The following TRPC4 variants were observed in gnomAD, a reference collection of about 807,000 sequenced individuals.
The protein encoded by TRPC4 is short transient receptor potential channel 4.
TRPC4 carries 49 observed loss-of-function variants against 99.4 expected under a neutral mutation model. The ratio of observed to expected loss-of-function variants is 0.49; its 90% CI spans 0.39 to 0.63. TRPC4 has a LOEUF of 0.63. Ranked by LOEUF, TRPC4 falls within the 20% of genes least tolerant of loss-of-function variation. TRPC4 has a pLI of 0.00. For synonymous variants in TRPC4, 454 were observed against 425.9 expected (o/e 1.07, Z -0.81); for missense variants, 898 against 1,152.9 (o/e 0.78, Z 3.20).
chr13:37,650,591 G>GTC (rs932732130), intron 8 of TRPC4, among the ~76,000 whole-genome samples: 144 of 102,790 alleles, frequency 1.4e-3, no homozygotes, highest in African/African-American at 4.5e-3. Context: ...GTCTCTCTCT[G>GTC]TCTCTCTCTC....
At chr13:37,650,833 T>G (rs1253755148) in intron 8 of TRPC4, among the ~76,000 whole-genome samples, 1 of 152,140 alleles carries the variant, frequency 6.6e-6, no homozygotes, top group African/African-American at 2.4e-5. Flanking sequence ...TTGTTAGGCA[T>G]GAAGAATTTG....
chr13:37,728,137 G>A (rs1006038660), intron 3 of TRPC4, among the ~76,000 whole-genome samples: 3 of 151,862 alleles, frequency 2.0e-5, no homozygotes, highest in Non-Finnish European at 2.9e-5. Flanking sequence ...GGAACAAAGC[G>A]AGGTGCCTGC....
intron 3 of TRPC4, among the ~76,000 whole-genome samples, chr13:37,711,730 A>G (rs1335934547): frequency 6.6e-6 from 1 of 152,100 alleles, no homozygotes; most frequent in Non-Finnish European, 1.5e-5. Context: ...CTTGACCAGT[A>G]AACTATAGAC....
chr13:37,642,021 A>T (rs950784105), intron 8 of TRPC4, among the ~76,000 whole-genome samples: 7 of 152,216 alleles, frequency 4.6e-5, no homozygotes, highest in African/African-American at 1.7e-4. Context: ...ACTTACATTT[A>T]ACTGTGTCCC....
At chr13:37,758,829 C>T (rs1956157199) in intron 2 of TRPC4, among the ~76,000 whole-genome samples, 2 of 151,152 alleles carry the variant, frequency 1.3e-5, no homozygotes, top group Admixed American at 1.3e-4. Context: ...AAAATAAAAC[C>T]TTATAGGGCA....
chr13:37,722,977 A>G (rs1786019445), intron 3 of TRPC4, among the ~76,000 whole-genome samples: 1 of 152,172 alleles, frequency 6.6e-6, no homozygotes, highest in Admixed American at 6.5e-5. Flanking sequence ...TAGCTCATAC[A>G]GCGGGTGGGG....
At chr13:37,686,714 C>T (rs1953494193) in intron 4 of TRPC4, among the ~76,000 whole-genome samples, 1 of 152,108 alleles carries the variant, frequency 6.6e-6, no homozygotes, top group African/African-American at 2.4e-5. Context: ...GCAATTCTTA[C>T]TTTATGCCTA....
At chr13:37,673,535 A>AG (rs1952936821) in intron 5 of TRPC4, among the ~76,000 whole-genome samples, 1 of 152,070 alleles carries the variant, frequency 6.6e-6, no homozygotes, top group African/African-American at 2.4e-5. Context: ...AGAAAAGGAA[A>AG]GGGGGAAAAG....
chr13:37,636,469 C>T lies in TRPC4; in HGVS notation c.*434G>A, dbSNP rs754989201. ...CAAACTGTAGGACTAGGTGAAAAGT[C>T]CTTGGTGAGTAACCCTCTCTAAAGA... On this transcript the variant is annotated 3_prime_UTR_variant, in exon 11 of 11. Coordinates refer to ENST00000379705, the MANE Select transcript of TRPC4 (RefSeq NM_016179.4). 7.2e-5 allele frequency among the ~76,000 whole-genome samples: 11 copies of T among 151,984 alleles called. No individual in the cohort carries two copies. Among genetic ancestry groups the T allele is most frequent in the Non-Finnish European group, 1.2e-4 (8 of 67,970 alleles).
chr13:37,675,639 C>A (rs766992682), intron 4 of TRPC4, among the ~76,000 whole-genome samples: 2 of 152,158 alleles, frequency 1.3e-5, no homozygotes, highest in East Asian at 1.9e-4. Context: ...GTGGAAGAGA[C>A]AGAAAGCACT....
At chr13:37,772,178 C>G (rs529620304) in intron 2 of TRPC4, among the ~76,000 whole-genome samples, 10 of 151,836 alleles carry the variant, frequency 6.6e-5, no homozygotes, top group Admixed American at 5.3e-4. Flanking sequence ...CCAAATCTTT[C>G]TCTCTCACAC....
At chr13:37,838,995 A>C (rs542231655) in intron 1 of TRPC4, among the ~76,000 whole-genome samples, 15 of 152,348 alleles carry the variant, frequency 9.8e-5, no homozygotes, top group Admixed American at 3.3e-4. Context: ...ACTCTGGTAC[A>C]TCTGATATCA....
chr13:37,648,257 A>C (rs73184597), intron 8 of TRPC4, among the ~76,000 whole-genome samples: 31 of 152,254 alleles, frequency 2.0e-4, no homozygotes, highest in Non-Finnish European at 3.5e-4. Context: ...ATACTTTTAT[A>C]AGCAAGAACT....
Position 37,651,274 on chromosome 13 carries a change from T to C in TRPC4, c.2070A>G (p.Gly690=), listed in dbSNP as rs1952034454. ...KKMRRKPESF[G]TIGRRAADNL... is the part of the protein sequence containing the mutation. ...CATGCTGTGTTCTTACCCCTATTGT[T>C]CCAAAACTTTCTGGCTTTCTTCTCA... is the stretch of plus-strand genomic sequence containing the variant. Residue 690 remains glycine (G), a synonymous_variant, in exon 8 of 11, where the codon GGA becomes GGG. Coordinates refer to ENST00000379705, the MANE Select transcript of TRPC4 (RefSeq NM_016179.4). 1 of 1,614,168 alleles carries C rather than the reference T, an allele frequency of 6.2e-7. No individual in the cohort carries two copies. The highest frequency in any genetic ancestry group is 1.3e-5 in the African/African-American group (1 of 75,078).
At chr13:37,828,996 C>G (rs558883289) in intron 1 of TRPC4, among the ~76,000 whole-genome samples, 6 of 152,096 alleles carry the variant, frequency 3.9e-5, no homozygotes, top group Non-Finnish European at 8.8e-5. Context: ...TTAAAAAGAG[C>G]TAAAAACTAT....
chr13:37,832,690 T>G (rs1267013745), intron 1 of TRPC4, among the ~76,000 whole-genome samples: 6 of 152,088 alleles, frequency 3.9e-5, no homozygotes, highest in Admixed American at 2.6e-4. Context: ...ATTACAAAAA[T>G]TTAAAATTAT....
Position 37,639,036 on chromosome 13 carries a change from T to C in TRPC4, c.2211+4A>G. 6.2e-7 allele frequency: 1 copy of C among 1,613,380 alleles called. No individual in the cohort carries two copies. The highest frequency in any genetic ancestry group is 8.5e-7 in the Non-Finnish European group (1 of 1,179,432). On this transcript the variant is annotated splice_donor_region_variant and intron_variant, in intron 10 of 10. Transcript: ENST00000379705. Reference sequence around the variant, plus strand: ...CCTCTTGTGATGAAGATGAAAATGGTTACCTTAAAGTTCTCTTCGGTCAGG... The same window carrying C: ...CCTCTTGTGATGAAGATGAAAATGGCTACCTTAAAGTTCTCTTCGGTCAGG...
chr13:37,648,785 C>T (rs1231794908), intron 8 of TRPC4, among the ~76,000 whole-genome samples: 1 of 152,090 alleles, frequency 6.6e-6, no homozygotes, highest in Non-Finnish European at 1.5e-5. Context: ...CAACATAATC[C>T]TACCCATGAG....
At chr13:37,690,811 TC>T (rs1953668599) in intron 4 of TRPC4, among the ~76,000 whole-genome samples, 1 of 101,998 alleles carries the variant, frequency 9.8e-6, no homozygotes, top group East Asian at 2.6e-4. Flanking sequence ...AAATAGGCTG[TC>T]TTTTTTTTTT....
Sources: gnomAD v4.1 joint callset for allele counts (sites outside exome capture counted in the v4.1 genomes callset) on GRCh38, gnomAD v4.1.1 for gene constraint, MANE v1.5 for transcripts, NCBI Gene and HGNC (gene_info 2026-07-23, HGNC 2026-07-21) for gene names.